IMMP2L: variants seen among roughly 807,000 people sequenced by gnomAD.
IMMP2L encodes inner mitochondrial membrane peptidase subunit 2.
A neutral mutation model predicts 19.3 loss-of-function variants in IMMP2L; 18 were observed. The ratio of observed to expected loss-of-function variants is 0.93; its 90% confidence interval spans 0.64 to 1.38. The LOEUF (loss-of-function observed/expected upper bound fraction) is 1.38. Among genes scored for constraint, IMMP2L ranks in the 40% most tolerant of loss-of-function variants. IMMP2L has a pLI of 0.00. For synonymous variants in IMMP2L, 76 were observed against 73.0 expected, an observed-to-expected ratio of 1.04 and a Z score of -0.21; for missense variants, 233 against 218.2, an observed-to-expected ratio of 1.07 and a Z score of -0.43.
At chr7:110,745,465 T>C (rs1365464878) in intron 5 of IMMP2L, among the ~76,000 whole-genome samples, 1 of 151,130 alleles carries the variant, frequency 6.6e-6, no homozygotes, top group African/African-American at 2.4e-5. Flanking sequence ...TCACCAAGGT[T>C]GAAATGAAGG....
At chr7:111,212,144 C>G (rs1200458552) in intron 3 of IMMP2L, among the ~76,000 whole-genome samples, 1 of 150,738 alleles carries the variant, frequency 6.6e-6, no homozygotes, top group African/African-American at 2.5e-5. Flanking sequence ...AACCAGATCT[C>G]TCTGTCTCTC....
At chr7:110,857,660 A>G (rs563171545) in intron 5 of IMMP2L, among the ~76,000 whole-genome samples, 3 of 152,200 alleles carry the variant, frequency 2.0e-5, no homozygotes, top group South Asian at 4.1e-4. Context: ...TCTTATGAGT[A>G]CTCAAATACC....
rs142349643 is a variant in IMMP2L, at chr7:111,183,048, G to A, written c.240-219483C>T. ...AGTATTATTTATATAAAGTGGTTAA[G>A]ACATATTAACTATTTACAAATGTAT... On this transcript the variant is annotated intron_variant, in intron 3 of 5. Transcript: ENST00000405709. 2.0e-4 allele frequency among the ~76,000 whole-genome samples: 31 copies of A among 152,140 alleles called. No individual in the cohort carries two copies. The South Asian group carries it at 4.1e-3, about 20-fold the overall frequency.
At chr7:111,239,441 A>G (rs1814736659) in intron 3 of IMMP2L, among the ~76,000 whole-genome samples, 1 of 151,956 alleles carries the variant, frequency 6.6e-6, no homozygotes, top group Non-Finnish European at 1.5e-5. Flanking sequence ...ATGACAAGAC[A>G]AAGATAAAAT....
intron 3 of IMMP2L, among the ~76,000 whole-genome samples, chr7:111,306,858 G>T (rs758513324): frequency 6.6e-6 from 1 of 151,718 alleles, no homozygotes; most frequent in Non-Finnish European, 1.5e-5. Context: ...GGGGGAGGCA[G>T]GGAAGACTAT....
intron 3 of IMMP2L, among the ~76,000 whole-genome samples, chr7:111,049,752 G>A (rs566047669): frequency 1.3e-5 from 2 of 152,264 alleles, no homozygotes; most frequent in African/African-American, 4.8e-5. Flanking sequence ...CAAAATGCAA[G>A]ACCATTTTTG....
At chr7:111,315,731 T>TAA (rs777273496) in intron 3 of IMMP2L, among the ~76,000 whole-genome samples, 52 of 136,420 alleles carry the variant, frequency 3.8e-4, no homozygotes, top group East Asian at 1.2e-3. Flanking sequence ...AGTGGCTTCT[T>TAA]AAAAAAAAAA....
At chr7:111,362,142 T>C (rs1584798699) in intron 3 of IMMP2L, among the ~76,000 whole-genome samples, 2 of 151,932 alleles carry the variant, frequency 1.3e-5, no homozygotes, top group South Asian at 4.2e-4. Context: ...AACCATTTTA[T>C]CAAAAAAAAA....
At chr7:110,955,351 A>G (rs1364019309) in intron 4 of IMMP2L, among the ~76,000 whole-genome samples, 3 of 151,926 alleles carry the variant, frequency 2.0e-5, no homozygotes, top group Non-Finnish European at 4.4e-5. Context: ...AAAAGGTAAG[A>G]ATATCCATAA....
chr7:110,710,911 G>C (rs1209363745), intron 5 of IMMP2L, among the ~76,000 whole-genome samples: 1 of 20,582 alleles, frequency 4.9e-5, no homozygotes, highest in African/African-American at 2.7e-4. Context: ...GTCTCTGCAC[G>C]TGAGATGGGT....
intron 5 of IMMP2L, among the ~76,000 whole-genome samples, chr7:110,798,392 A>C (rs1473384307): frequency 6.6e-6 from 1 of 151,968 alleles, no homozygotes; most frequent in Non-Finnish European, 1.5e-5. Flanking sequence ...AGCTTTTTGA[A>C]GGAAGAGAAT....
chr7:111,167,895 AATACCTT>A (rs1333950562), intron 3 of IMMP2L, among the ~76,000 whole-genome samples: 9 of 151,970 alleles, frequency 5.9e-5, no homozygotes, highest in Non-Finnish European at 1.2e-4. Flanking sequence ...GAACCGGAAT[AATACCTT>A]TTCCATTAAC....
At chr7:110,715,724 G>A (rs1795191632) in intron 5 of IMMP2L, among the ~76,000 whole-genome samples, 2 of 149,878 alleles carry the variant, frequency 1.3e-5, no homozygotes, top group African/African-American at 4.9e-5. Context: ...AGAATGTGTA[G>A]GCTGCGATTG....
At chr7:111,272,328 C>A (rs1203090611) in intron 3 of IMMP2L, among the ~76,000 whole-genome samples, 1 of 152,146 alleles carries the variant, frequency 6.6e-6, no homozygotes, top group Non-Finnish European at 1.5e-5. Flanking sequence ...TTAGCAAACT[C>A]CTCATTTCTT....
chr7:111,054,137 G>A (rs1387040816), intron 3 of IMMP2L, among the ~76,000 whole-genome samples: 1 of 152,072 alleles, frequency 6.6e-6, no homozygotes, highest in Non-Finnish European at 1.5e-5. Context: ...TTTTAAGAGT[G>A]TACTTAAAAG....
chr7:111,311,308 G>C (rs1052089270), intron 3 of IMMP2L, among the ~76,000 whole-genome samples: 2 of 151,872 alleles, frequency 1.3e-5, no homozygotes, highest in African/African-American at 2.4e-5. Flanking sequence ...GGGAAAGAAA[G>C]AAGGAAGGAA....
rs888999470 is a variant in IMMP2L at position 110,727,680 on chromosome 7, A to C, written c.409-63959T>G. 1.1e-4 allele frequency among the ~76,000 whole-genome samples: 17 copies of C among 152,178 alleles called. No homozygotes were observed. Among genetic ancestry groups the C allele is most frequent in the African/African-American group, 4.1e-4 (17 of 41,446 alleles). On this transcript the variant is annotated intron_variant, in intron 5 of 5. Coordinates refer to ENST00000405709, the MANE Select transcript of IMMP2L (RefSeq NM_032549.4). This position sits in a 1 kb window ranked among gnomAD's most constrained non-coding sequence, Gnocchi z 4.3. ...TAACTTTAAAAAATATTAGAATATT[A>C]AATATAACATGAGCTAGATATTTAA...
intron 3 of IMMP2L, among the ~76,000 whole-genome samples, chr7:111,231,546 G>T (rs547103158): frequency 2.0e-5 from 3 of 151,560 alleles, no homozygotes; most frequent in African/African-American, 7.3e-5. Flanking sequence ...TTGCTGCCTG[G>T]TTTTTTTTCC....
chr7:111,194,390 G>T (rs1344003838), intron 3 of IMMP2L, among the ~76,000 whole-genome samples: 1 of 152,098 alleles, frequency 6.6e-6, no homozygotes, highest in East Asian at 1.9e-4. Flanking sequence ...TCTTGCCTAA[G>T]GAGCAGCCTC....
Sources: allele counts gnomAD v4.1 joint callset (sites outside exome capture counted in the v4.1 genomes callset), GRCh38; gene constraint gnomAD v4.1.1; non-coding constraint Gnocchi (gnomAD v3.1); transcripts MANE v1.5; gene names NCBI Gene and HGNC (gene_info 2026-07-23, HGNC 2026-07-21).